The following DEDD variants were observed in gnomAD, a reference collection of about 807,000 sequenced individuals.
The protein encoded by DEDD is death effector domain containing.
DEDD carries 3 observed loss-of-function variants against 29.2 expected under a neutral mutation model. The ratio of observed to expected loss-of-function variants is 0.10; its 90% CI spans 0.05 to 0.27. DEDD has a LOEUF of 0.27. DEDD is among the 10% of genes least tolerant of loss of function. The probability of loss-of-function intolerance (pLI) is 1.00; values close to 1 mark genes in which losing one functional copy is unlikely to be tolerated. For missense variants in DEDD, 261 were observed against 420.5 expected (o/e 0.62, Z 3.32); for synonymous variants, 152 against 161.3 (o/e 0.94, Z 0.44).
chr1:161,131,468 T>A (rs1405772195), intron 1 of DEDD, among the ~76,000 whole-genome samples: 1 of 152,182 alleles, frequency 6.6e-6, no homozygotes, highest in Non-Finnish European at 1.5e-5. Flanking sequence ...CCTGTCTAGA[T>A]GCCACTCTAT....
At chr1:161,123,982 C>A in intron 3 of DEDD, 36 bp from the exon 4 acceptor site, 1 of 1,608,124 alleles carries the variant, frequency 6.2e-7, no homozygotes, top group Admixed American at 1.7e-5. Context: ...GGAAAATATA[C>A]ACCCTTCCCT....
intron 1 of DEDD, among the ~76,000 whole-genome samples, chr1:161,131,628 C>T (rs1656676266): frequency 6.6e-6 from 1 of 152,136 alleles, no homozygotes; most frequent in African/African-American, 2.4e-5. Context: ...CACCGGCTTC[C>T]CCATTTTCCC....
At chr1:161,124,759 T>A in intron 2 of DEDD, 2 of 347,312 alleles carry the variant, frequency 5.8e-6, no homozygotes, top group Non-Finnish European at 9.7e-6. Flanking sequence ...CCCAGGCGTT[T>A]AAGACCAGCC....
intron 4 of DEDD, 132 bp downstream of exon 4, chr1:161,123,707 A>AT (rs112931699): frequency 0.095 from 56,750 of 594,464 alleles, 1 homozygote; most frequent in East Asian, 0.11. Flanking sequence ...ACCTCGCCTG[A>AT]TTTTTTTTTT....
chr1:161,123,945 C>T lies in DEDD; in HGVS notation c.327G>A (p.Val109=). ...PYVTLKRRRA[V]CPDLVDKYLE... ...GATACTTGTCTACAAGATCAGGGCA[C>T]ACTGTAGGAGGAGAAGTAATCATTC... is the stretch of plus-strand genomic sequence containing the variant. Residue 109 remains valine, a splice_region_variant and synonymous_variant, in exon 4 of 6, where the codon GTG becomes GTA. Transcript: ENST00000368006. 1 of 1,613,882 alleles carries T rather than the reference C, an allele frequency of 6.2e-7. No individual in the cohort carries two copies. Among genetic ancestry groups the T allele is most frequent in the East Asian group, 2.2e-5 (1 of 44,882 alleles).
Position 161,122,915 on chromosome 1 carries a change from AGAGCAGT to A in DEDD, c.580+153_580+159del. ...GAAATGTACCCTGCCACAATCATAAAGAGCAGTTCTTCCACCAGACACCAAACCATTC... is the reference window on the plus strand; with the variant it reads ...GAAATGTACCCTGCCACAATCATAAATCTTCCACCAGACACCAAACCATTC... On this transcript the variant is annotated intron_variant, in intron 5 of 5. Transcript: ENST00000368006. This position sits in a 1 kb window ranked among gnomAD's most constrained non-coding sequence, Gnocchi z 4.2. 7.5e-7 allele frequency: 1 copy of A among 1,339,836 alleles called. No individual in the cohort carries two copies. Among genetic ancestry groups the A allele is most frequent in the Non-Finnish European group, 1.1e-6 (1 of 936,206 alleles). The allele number at this position is 1,339,836 out of a possible 1,614,324, so 83.0% of individuals were successfully genotyped here. A position where few individuals can be genotyped will look rare whatever the true frequency, so the allele number is the denominator to read the frequency against.
At chr1:161,130,937 G>A (rs1656616353) in intron 1 of DEDD, 90 bp from the exon 2 acceptor site, 1 of 152,100 alleles carries the variant, frequency 6.6e-6, no homozygotes. Context: ...AAACCTCAGA[G>A]GCCCATAGAA....
intron 1 of DEDD, among the ~76,000 whole-genome samples, chr1:161,131,542 C>G (rs1190082243): frequency 1.3e-5 from 2 of 152,124 alleles, no homozygotes; most frequent in Non-Finnish European, 2.9e-5. Flanking sequence ...TCCAATATAG[C>G]CATGTCTGCT....
At position 161,123,956 on chromosome 1, in the gene DEDD, G is replaced by A. The variant is rs779214675; in HGVS notation, c.326-10C>T. ...ACAAGATCAGGGCACACTGTAGGAG[G>A]AGAAGTAATCATTCAGGAAAATATA... On this transcript the variant is annotated splice_polypyrimidine_tract_variant and intron_variant, in intron 3 of 5. Coordinates refer to ENST00000368006, the MANE Select transcript of DEDD (RefSeq NM_032998.3). 1 of 1,612,816 alleles carries A rather than the reference G, an allele frequency of 6.2e-7. No individual in the cohort carries two copies. The highest frequency in any genetic ancestry group is 2.2e-5 in the East Asian group (1 of 44,884).
chr1:161,126,368 C>CA (rs1571231914), intron 2 of DEDD, among the ~76,000 whole-genome samples: 1 of 131,516 alleles, frequency 7.6e-6, no homozygotes, highest in African/African-American at 2.9e-5. Context: ...TTTTTTGAGA[C>CA]AGAGTCACTC....
rs1655653162 is a variant in DEDD at position 161,122,736 on chromosome 1, A to G, written c.581-213T>C. On this transcript the variant is annotated intron_variant, in intron 5 of 5. Transcript: ENST00000368006. The surrounding 1 kb of genome is among the most constrained non-coding windows in gnomAD (Gnocchi z 4.2). The stretch of plus-strand genomic sequence containing the variant: ...TTAAACGGGACATGCCGAGGTCAGC[A>G]CTGTTCCCATTACTCACAGGTAGCA... 6.6e-6 allele frequency among the ~76,000 whole-genome samples: 1 copy of G among 152,184 alleles called. No individual in the cohort carries two copies. Among genetic ancestry groups the G allele is most frequent in the Non-Finnish European group, 1.5e-5 (1 of 68,024 alleles).
At chr1:161,127,749 A>G (rs1656314138) in intron 2 of DEDD, among the ~76,000 whole-genome samples, 1 of 152,226 alleles carries the variant, frequency 6.6e-6, no homozygotes, top group African/African-American at 2.4e-5. Context: ...GTTATTGCTC[A>G]TAGCAGGCAA....
In DEDD at chr1:161,123,162, G is replaced by T; in HGVS notation, c.493C>A (p.Arg165=). The stretch of plus-strand genomic sequence containing the variant: ...AGTGTGGCTCTCCCTCGGGCTGGCC[G>T]CTTGCTACACATCTGAGGACCCGAA... ...PTSGPQMCSK[R]PARGRATLGS... Residue 165 remains arginine (R), a synonymous_variant, in exon 5 of 6, where the codon CGG becomes AGG. Transcript: ENST00000368006. The T allele has an allele frequency of 6.2e-7, 1 of 1,614,160 alleles. No individual in the cohort carries two copies. Among genetic ancestry groups the T allele is most frequent in the Non-Finnish European group, 8.5e-7 (1 of 1,180,034 alleles).
In DEDD at chr1:161,123,084, G is replaced by C. The variant is rs1187899701; in HGVS notation, c.571C>G (p.Gln191Glu). ...CCTTGAACTTCCTCACCACATGTCT[G>C]CTTCTCCTTGGGATCTGGTGTCACT... is the stretch of plus-strand genomic sequence containing the variant. The part of the protein sequence containing the change: ...KSVTPDPKEK[Q>E]TCDIRLRVRA... Residue 191 changes from glutamine to glutamate, a missense_variant, in exon 5 of 6, where the codon CAG becomes GAG. Gln to Glu is a conservative substitution (Grantham distance 29). Transcript: ENST00000368006. 1 of 1,614,178 alleles carries C rather than the reference G, an allele frequency of 6.2e-7. No individual in the cohort carries two copies. Among genetic ancestry groups the C allele is most frequent in the East Asian group, 2.2e-5 (1 of 44,876 alleles).
At chr1:161,132,367 C>T (rs928689951) in intron 1 of DEDD, 184 bp downstream of exon 1, 7 of 155,492 alleles carry the variant, frequency 4.5e-5, no homozygotes, top group Admixed American at 3.9e-4. Context: ...CTGCACGCCC[C>T]CCTCGGCAGC....
At chr1:161,123,374 T>G (rs1410031087) in intron 4 of DEDD, among the ~76,000 whole-genome samples, 153 bp from the exon 5 acceptor site, 1 of 152,182 alleles carries the variant, frequency 6.6e-6, no homozygotes, top group Non-Finnish European at 1.5e-5. Context: ...GTGCAGTGGC[T>G]CACGCCTGTA....
chr1:161,124,743 C>A, intron 2 of DEDD: 1 of 452,524 alleles, frequency 2.2e-6, no homozygotes, highest in Non-Finnish European at 3.5e-6. Context: ...AGGAGGATCA[C>A]TTGAGCCCAG....
rs182968623 is a variant in DEDD at position 161,123,058 on chromosome 1, C to T, written c.580+17G>A. The T allele has an allele frequency of 7.4e-6, 12 of 1,614,200 alleles. No individual in the cohort carries two copies. The Admixed American group carries it at 1.8e-4, about 25-fold the overall frequency. On this transcript the variant is annotated intron_variant, in intron 5 of 5. Coordinates refer to ENST00000368006, the MANE Select transcript of DEDD (RefSeq NM_032998.3). Reference sequence around the variant, plus strand: ...CTTCAAGTCTGCTCCATCTCTGGAACCCTTGAACTTCCTCACCACATGTCT... The same window carrying T: ...CTTCAAGTCTGCTCCATCTCTGGAATCCTTGAACTTCCTCACCACATGTCT...
rs1655512599 is a variant in DEDD at position 161,121,716 on chromosome 1, A to G, written c.*431T>C. On this transcript the variant is annotated 3_prime_UTR_variant, in exon 6 of 6. Transcript: ENST00000368006. ...TTTTCAAAATACACTTCAGAGTCCC[A>G]CTTTCCACATAGCTCCCTTACTCAC... The G allele has an allele frequency of 6.3e-6, 1 of 159,130 alleles. No individual in the cohort carries two copies. Among genetic ancestry groups the G allele is most frequent in the Non-Finnish European group, 1.4e-5 (1 of 71,578 alleles). 9.9% of individuals were successfully genotyped at this position (159,130 alleles called of 1,614,324 possible). A position where few individuals can be genotyped will look rare whatever the true frequency, so the allele number is the denominator to read the frequency against.
Sources: gnomAD v4.1 joint callset for allele counts (sites outside exome capture counted in the v4.1 genomes callset) on GRCh38, gnomAD v4.1.1 for gene constraint, Gnocchi (gnomAD v3.1) non-coding constraint, MANE v1.5 for transcripts, NCBI Gene and HGNC (gene_info 2026-07-23, HGNC 2026-07-21) for gene names.